SEMA3E: variants seen among roughly 807,000 people sequenced by gnomAD.
SEMA3E encodes semaphorin-3E.
A neutral mutation model predicts 93.6 loss-of-function variants in SEMA3E; 49 were observed. That is an observed-to-expected ratio of 0.52 (90% CI 0.42 to 0.66). The LOEUF (loss-of-function observed/expected upper bound fraction) is 0.66. Among genes scored for constraint, SEMA3E ranks in the 30% least tolerant of loss-of-function variants. The pLI is 0.00. For missense variants in SEMA3E, 906 were observed against 964.8 expected (o/e 0.94, Z 0.81); for synonymous variants, 363 against 330.7 (o/e 1.10, Z -1.06).
At chr7:83,598,372 A>T (rs10239110) in intron 1 of SEMA3E, among the ~76,000 whole-genome samples, 32,563 of 152,154 alleles carry the variant, frequency 0.21, 3,657 homozygotes, top group Middle Eastern at 0.29. Context: ...CCACCATGAT[A>T]AATGATGCCA....
Position 83,364,767 on chromosome 7 carries a change from T to A in SEMA3E, c.*2819A>T, listed in dbSNP as rs1252237116. 6.6e-6 allele frequency: 1 copy of A among 152,162 alleles called. No homozygotes were observed. The highest frequency in any genetic ancestry group is 2.4e-5 in the African/African-American group (1 of 41,440). 9.4% of individuals were successfully genotyped at this position (152,162 alleles called of 1,614,324 possible). ...ACCGGCCCTCGATGGAGGTGCCTCT[T>A]AGAAATTAGATGAGTGGTTATGATT... On this transcript the variant is annotated 3_prime_UTR_variant, in exon 17 of 17. Transcript: ENST00000643230.
intron 4 of SEMA3E, among the ~76,000 whole-genome samples, chr7:83,440,748 G>A (rs1350384301): frequency 1.3e-5 from 2 of 149,788 alleles, no homozygotes; most frequent in Non-Finnish European, 2.9e-5. Context: ...GTTGCAGTGA[G>A]CTGAGATTGT....
At chr7:83,584,264 C>T (rs937830444) in intron 1 of SEMA3E, among the ~76,000 whole-genome samples, 8 of 152,022 alleles carry the variant, frequency 5.3e-5, no homozygotes, top group Middle Eastern at 3.4e-3. Context: ...GTGAGTATCT[C>T]GGAAGGAAGT....
rs750652810 is a variant in SEMA3E, at chr7:83,554,977, A to AAAATAAATAAATAAATAAAT, written c.116-64723_116-64704dup. ...GGGTGACAGAGCGAGACTCCGTCTC[A>AAAATAAATAAATAAATAAAT]AAATAAATAAATAAATAAATAAAAA... On this transcript the variant is annotated intron_variant, in intron 1 of 16. Coordinates refer to ENST00000643230, the MANE Select transcript of SEMA3E (RefSeq NM_012431.3). Among the ~76,000 whole-genome samples the AAAATAAATAAATAAATAAAT allele has an allele frequency of 6.5e-3, 937 of 144,480 alleles. 6 individuals are homozygous for AAAATAAATAAATAAATAAAT. The highest frequency in any genetic ancestry group is 0.01 in the Non-Finnish European group (706 of 67,380). The allele number at this position is 144,480 out of a possible 152,430, so 94.8% of individuals were successfully genotyped here.
At chr7:83,474,356 T>G (rs975513214) in intron 2 of SEMA3E, among the ~76,000 whole-genome samples, 3 of 152,130 alleles carry the variant, frequency 2.0e-5, no homozygotes, top group Non-Finnish European at 4.4e-5. Context: ...ACTCTATGTT[T>G]TGAATTATAG....
In SEMA3E at chr7:83,454,273, ATATATAT is replaced by A. The variant is rs1212825625; in HGVS notation, c.456+12202_456+12208del. 7.1e-5 allele frequency among the ~76,000 whole-genome samples: 7 copies of A among 98,586 alleles called. 1 individual carries two copies. The highest frequency in any genetic ancestry group is 1.2e-4 in the Admixed American group (1 of 8,142). The allele number at this position is 98,586 out of a possible 152,430, so 64.7% of individuals were successfully genotyped here. On this transcript the variant is annotated intron_variant, in intron 4 of 16. Coordinates refer to ENST00000643230, the MANE Select transcript of SEMA3E (RefSeq NM_012431.3). ...ACTCCGACTCAAAAAAAAAAAAAAA[ATATATAT>A]ATATATATATATATATAATGTGTGT... is the stretch of plus-strand genomic sequence containing the variant.
At chr7:83,564,511 G>C (rs749796651) in intron 1 of SEMA3E, among the ~76,000 whole-genome samples, 3 of 152,076 alleles carry the variant, frequency 2.0e-5, no homozygotes, top group Admixed American at 6.6e-5. Context: ...ACTGTTGTTA[G>C]TATATTTTAA....
At chr7:83,509,578 T>A (rs1263922809) in intron 1 of SEMA3E, among the ~76,000 whole-genome samples, 1 of 152,134 alleles carries the variant, frequency 6.6e-6, no homozygotes, top group African/African-American at 2.4e-5. Flanking sequence ...CCAACTTATA[T>A]CTATGGTAAA....
At chr7:83,601,432 C>CT (rs113566090) in intron 1 of SEMA3E, among the ~76,000 whole-genome samples, 37,338 of 148,096 alleles carry the variant, frequency 0.25, 4,852 homozygotes, top group East Asian at 0.36. Flanking sequence ...ATTACTTACT[C>CT]TTTTTTTTTT....
chr7:83,367,017 C>A lies in SEMA3E; in HGVS notation c.*569G>T, dbSNP rs1316982801. The A allele has an allele frequency of 2.0e-5, 3 of 151,378 alleles. No homozygotes were observed. The highest frequency in any genetic ancestry group is 7.6e-5 in the African/African-American group (3 of 39,276). The allele number at this position is 151,378 out of a possible 1,614,324, so 9.4% of individuals were successfully genotyped here. A position where few individuals can be genotyped will look rare whatever the true frequency, so the allele number is the denominator to read the frequency against. On this transcript the variant is annotated 3_prime_UTR_variant, in exon 17 of 17. Coordinates refer to ENST00000643230, the MANE Select transcript of SEMA3E (RefSeq NM_012431.3). ...ATGAATATTTTACGAAGGGCACAAGCCTCAGAATGACATTTTTCCTTTCAT... is the reference window on the plus strand; with the variant it reads ...ATGAATATTTTACGAAGGGCACAAGACTCAGAATGACATTTTTCCTTTCAT...
In SEMA3E at chr7:83,509,536, A is replaced by G. The variant is rs183466961; in HGVS notation, c.116-19262T>C. ...CTTACCCTTCCCCATGACAGAAAAC[A>G]AAACAAAACAAAACAAAAACAAACA... On this transcript the variant is annotated intron_variant, in intron 1 of 16. Coordinates refer to ENST00000643230, the MANE Select transcript of SEMA3E (RefSeq NM_012431.3). 1.7e-3 allele frequency among the ~76,000 whole-genome samples: 261 copies of G among 151,040 alleles called. 6 individuals are homozygous for G. Among genetic ancestry groups the G allele is most frequent in the Admixed American group, 0.015 (234 of 15,266 alleles).
intron 1 of SEMA3E, among the ~76,000 whole-genome samples, chr7:83,593,565 G>C (rs931114245): frequency 6.6e-6 from 1 of 151,988 alleles, no homozygotes; most frequent in South Asian, 2.1e-4. Context: ...GAAAGAATAA[G>C]AGATTCTTTC....
intron 1 of SEMA3E, among the ~76,000 whole-genome samples, chr7:83,522,735 A>G (rs1791074654): frequency 6.6e-6 from 1 of 152,116 alleles, no homozygotes; most frequent in Non-Finnish European, 1.5e-5. Context: ...GTTAAATGTT[A>G]CCATTTTTTA....
At chr7:83,490,569 C>T (rs960923606) in intron 1 of SEMA3E, among the ~76,000 whole-genome samples, 4 of 152,038 alleles carry the variant, frequency 2.6e-5, no homozygotes, top group African/African-American at 7.2e-5. Flanking sequence ...AGTCATTTTA[C>T]AGCTCCTCTA....
intron 1 of SEMA3E, among the ~76,000 whole-genome samples, chr7:83,545,846 G>A (rs1210633890): frequency 1.4e-5 from 2 of 146,210 alleles, no homozygotes; most frequent in African/African-American, 5.0e-5. Context: ...ATCTCCAGTA[G>A]TATGACGGAT....
chr7:83,531,650 G>C (rs1246179926), intron 1 of SEMA3E, among the ~76,000 whole-genome samples: 1 of 152,134 alleles, frequency 6.6e-6, no homozygotes, highest in Non-Finnish European at 1.5e-5. Flanking sequence ...ACCGTTCCCA[G>C]CCAATTGGAA....
chr7:83,393,104 T>C (rs1174642704), intron 13 of SEMA3E, among the ~76,000 whole-genome samples: 2 of 152,010 alleles, frequency 1.3e-5, no homozygotes, highest in Non-Finnish European at 2.9e-5. Flanking sequence ...TTCATTTCTC[T>C]AATATTTGAG....
chr7:83,637,969 T>C (rs190904318), intron 1 of SEMA3E, among the ~76,000 whole-genome samples: 3 of 152,252 alleles, frequency 2.0e-5, no homozygotes, highest in Admixed American at 1.3e-4. Context: ...CATGGTCACT[T>C]TACCTATTAT....
Position 83,627,628 on chromosome 7 carries a change from C to CTTTTTTTTTTTTTTTTTT in SEMA3E, c.115+20782_115+20799dup, listed in dbSNP as rs746550123. Among the ~76,000 whole-genome samples, 11 of 65,346 alleles carry CTTTTTTTTTTTTTTTTTT rather than the reference C, an allele frequency of 1.7e-4. 1 individual carries two copies. The highest frequency in any genetic ancestry group is 5.3e-4 in the East Asian group (1 of 1,902). The allele number at this position is 65,346 out of a possible 152,430, so 42.9% of individuals were successfully genotyped here. On this transcript the variant is annotated intron_variant, in intron 1 of 16. Coordinates refer to ENST00000643230, the MANE Select transcript of SEMA3E (RefSeq NM_012431.3). ...TCAGAGATGAAGATCGCAACCCCTG[C>CTTTTTTTTTTTTTTTTTT]TTTTTTTTTTTTTTTTTTTTTTTTG...
Sources: gnomAD v4.1 joint callset for allele counts (sites outside exome capture counted in the v4.1 genomes callset) on GRCh38, gnomAD v4.1.1 for gene constraint, MANE v1.5 for transcripts, NCBI Gene and HGNC (gene_info 2026-07-23, HGNC 2026-07-21) for gene names.